The following RAI1 variants were observed in gnomAD, a reference collection of about 807,000 sequenced individuals.
The protein encoded by RAI1 is retinoic acid induced 1, also known as retinoic acid-induced protein 1.
RAI1 carries 9 observed loss-of-function variants against 123.8 expected under a neutral mutation model. The ratio of observed to expected loss-of-function variants is 0.07; its 90% confidence interval spans 0.04 to 0.13. The LOEUF (loss-of-function observed/expected upper bound fraction) is 0.13. Ranked by LOEUF, RAI1 falls within the 10% of genes least tolerant of loss-of-function variation. The pLI is 1.00. For missense variants in RAI1, 2,256 were observed against 2,545.8 expected (o/e 0.89, Z 2.45); for synonymous variants, 1,231 against 1,127.3 (o/e 1.09, Z -1.84).
chr17:17,743,916 C>T (rs1397030334), intron 2 of RAI1, among the ~76,000 whole-genome samples: 1 of 152,166 alleles, frequency 6.6e-6, no homozygotes, highest in African/African-American at 2.4e-5. Flanking sequence ...CGTAGGAGAG[C>T]GGGCAGGCTC....
Position 17,809,888 on chromosome 17 carries a change from C to G in RAI1, c.5710-82C>G, listed in dbSNP as rs2143006961. The G allele has an allele frequency of 6.5e-7, 1 of 1,532,750 alleles. No individual in the cohort carries two copies. The highest frequency in any genetic ancestry group is 8.8e-7 in the Non-Finnish European group (1 of 1,137,374). 94.9% of individuals were successfully genotyped at this position (1,532,750 alleles called of 1,614,324 possible). ...GGGTCGCCTGGGTCTGGGGCTTAGG[C>G]GGGGGGCCCACACTGGGGGCGGGGC... On this transcript the variant is annotated intron_variant, in intron 5 of 5. Transcript: ENST00000353383. This position sits in a 1 kb window ranked among gnomAD's most constrained non-coding sequence, Gnocchi z 4.9.
chr17:17,809,275 C>G lies in RAI1; in HGVS notation c.5660-115C>G, dbSNP rs1164027177. 3 of 875,800 alleles carry G rather than the reference C, an allele frequency of 3.4e-6. No individual in the cohort carries two copies. The highest frequency in any genetic ancestry group is 4.8e-5 in the East Asian group (2 of 41,614). The allele number at this position is 875,800 out of a possible 1,614,324, so 54.3% of individuals were successfully genotyped here. On this transcript the variant is annotated intron_variant, in intron 4 of 5. Transcript: ENST00000353383. The surrounding 1 kb of genome is among the most constrained non-coding windows in gnomAD (Gnocchi z 4.9). Reference sequence around the variant, plus strand: ...ATCTGATTAACTCTTTGAAAAGAGCCCCTGCAGTCTGGAGCCTCGCGGGCA... The same window carrying G: ...ATCTGATTAACTCTTTGAAAAGAGCGCCTGCAGTCTGGAGCCTCGCGGGCA...
Position 17,798,202 on chromosome 17 carries a change from G to C in RAI1, c.5254G>C (p.Gly1752Arg), listed in dbSNP as rs755572135. 1 of 1,612,608 alleles carries C rather than the reference G, an allele frequency of 6.2e-7. No individual in the cohort carries two copies. Among genetic ancestry groups the C allele is most frequent in the Non-Finnish European group, 8.5e-7 (1 of 1,179,802 alleles). The change falls in exon 3 of 6, where the codon GGG (glycine) becomes CGG (arginine). Residue 1752 changes from glycine to arginine, a missense_variant. Physicochemically the swap from Gly to Arg is moderately radical, Grantham distance 125 (BLOSUM62 -2). This residue lies in a region of RAI1 where 243 missense variants were observed against 316.6 expected (regional missense o/e 0.77). Transcript: ENST00000353383. ...GPECAAAATA[G>R]KPPRPDGPAD... ...CGAGTGTGCAGCTGCCGCCACTGCC[G>C]GGAAGCCCCCCAGGCCTGACGGCCC...
At position 17,693,386 on chromosome 17, in the gene RAI1, G is replaced by C. The variant is rs1044371904; in HGVS notation, c.-149+11593G>C. ...CCTGATTGACAAACAAAACAAGCTTGATCACAAAAGGAGAGGGGAGACTGG... is the reference window on the plus strand; with the variant it reads ...CCTGATTGACAAACAAAACAAGCTTCATCACAAAAGGAGAGGGGAGACTGG... On this transcript the variant is annotated intron_variant, in intron 1 of 5. Transcript: ENST00000353383. Among the ~76,000 whole-genome samples the C allele has an allele frequency of 6.0e-4, 91 of 152,364 alleles. 1 individual carries two copies. The highest frequency in any genetic ancestry group is 2.1e-3 in the African/African-American group (89 of 41,586).
intron 1 of RAI1, among the ~76,000 whole-genome samples, chr17:17,698,238 G>A (rs1360600269): frequency 6.6e-6 from 1 of 152,226 alleles, no homozygotes; most frequent in Non-Finnish European, 1.5e-5. Flanking sequence ...CCCTGTGGCT[G>A]CTCTCACACA....
chr17:17,686,012 A>G lies in RAI1; in HGVS notation c.-149+4219A>G, dbSNP rs1914614949. Among the ~76,000 whole-genome samples, 3 of 152,052 alleles carry G rather than the reference A, an allele frequency of 2.0e-5. No homozygotes were observed. The South Asian group carries it at 6.2e-4, about 32-fold the overall frequency. On this transcript the variant is annotated intron_variant, in intron 1 of 5. Transcript: ENST00000353383. ...CAGAATGAGTCATCTCCCTTTGTCTATACTCGTGGCATAGCGTTTATCACG... is the reference window on the plus strand; with the variant it reads ...CAGAATGAGTCATCTCCCTTTGTCTGTACTCGTGGCATAGCGTTTATCACG...
intron 2 of RAI1, among the ~76,000 whole-genome samples, chr17:17,760,302 G>A (rs936267687): frequency 6.6e-6 from 1 of 152,144 alleles, no homozygotes; most frequent in Non-Finnish European, 1.5e-5. Flanking sequence ...TGATTTATGG[G>A]AGGGAGCAGT....
intron 2 of RAI1, among the ~76,000 whole-genome samples, chr17:17,742,178 A>G (rs1916657777): frequency 6.6e-6 from 1 of 152,174 alleles, no homozygotes; most frequent in Admixed American, 6.5e-5. Context: ...CAGGGACGTC[A>G]GGGCCCACAG....
intron 2 of RAI1, among the ~76,000 whole-genome samples, chr17:17,745,429 G>T (rs915439276): frequency 1.3e-5 from 2 of 151,310 alleles, no homozygotes; most frequent in African/African-American, 2.4e-5. Flanking sequence ...GTGTGTGTGT[G>T]TTTGTTTTTG....
chr17:17,697,237 G>A (rs982185339), intron 1 of RAI1, among the ~76,000 whole-genome samples: 1 of 152,234 alleles, frequency 6.6e-6, no homozygotes, highest in Admixed American at 6.5e-5. Flanking sequence ...AGAGACAAGA[G>A]GATGCAGGGC....
intron 2 of RAI1, among the ~76,000 whole-genome samples, chr17:17,760,119 C>T (rs976623558): frequency 5.3e-5 from 8 of 152,214 alleles, no homozygotes; most frequent in African/African-American, 1.7e-4. Context: ...AGACAGAGTA[C>T]TGCCCCCACC....
intron 2 of RAI1, among the ~76,000 whole-genome samples, chr17:17,746,915 A>G (rs2029947711): frequency 6.6e-6 from 1 of 152,178 alleles, no homozygotes; most frequent in Non-Finnish European, 1.5e-5. Flanking sequence ...GATTACAGGC[A>G]TGAGCCACCA....
At chr17:17,763,092 C>G (rs12103424) in intron 2 of RAI1, among the ~76,000 whole-genome samples, 2,075 of 151,902 alleles carry the variant, frequency 0.014, 52 homozygotes, top group African/African-American at 0.048. Flanking sequence ...TTCCAACTTG[C>G]ATTGTCTAAA....
intron 2 of RAI1, among the ~76,000 whole-genome samples, chr17:17,757,408 A>G (rs895598272): frequency 1.3e-5 from 2 of 152,298 alleles, no homozygotes; most frequent in South Asian, 4.1e-4. Flanking sequence ...CAACCCTTCT[A>G]CAGACCAGTT....
chr17:17,803,842 C>G lies in RAI1; in HGVS notation c.5652C>G (p.Ser1884Arg), dbSNP rs567884332. 1 of 1,613,284 alleles carries G rather than the reference C, an allele frequency of 6.2e-7. No homozygotes were observed. Among genetic ancestry groups the G allele is most frequent in the Non-Finnish European group, 8.5e-7 (1 of 1,179,850 alleles). Residue 1884 changes from serine (S) to arginine (R), a missense_variant, in exon 4 of 6, where the codon AGC becomes AGG. Physicochemically the swap from Ser to Arg is moderately radical, Grantham distance 110. This residue lies in a region of RAI1 where 243 missense variants were observed against 316.6 expected (regional missense o/e 0.77). Transcript: ENST00000353383. ...CLHTYHYPCA[S>R]DAGCIFIEEN... The stretch of plus-strand genomic sequence containing the variant: ...ACACCTACCACTACCCGTGTGCCAG[C>G]GATGCAGGTACGAGCCCGCCCAGGA...
At position 17,798,280 on chromosome 17, in the gene RAI1, C is replaced by A; in HGVS notation, c.5332C>A (p.Arg1778=). 6.3e-7 allele frequency: 1 copy of A among 1,598,188 alleles called. No individual in the cohort carries two copies. The highest frequency in any genetic ancestry group is 2.3e-5 in the East Asian group (1 of 44,264). Residue 1778 remains arginine, a synonymous_variant, in exon 3 of 6, where the codon CGG becomes AGG. Coordinates refer to ENST00000353383, the MANE Select transcript of RAI1 (RefSeq NM_030665.4). ...PLRTSARGLS[R]RLQSCYCCDG... ...GCGCACCAGTGCCCGGGGCCTGTCC[C>A]GGAGGCTGCAGAGCTGCTACTGCTG...
At position 17,809,132 on chromosome 17, in the gene RAI1, C is replaced by T. The variant is rs1567941013; in HGVS notation, c.5660-258C>T. 1 of 567,538 alleles carries T rather than the reference C, an allele frequency of 1.8e-6. No individual in the cohort carries two copies. The highest frequency in any genetic ancestry group is 2.9e-5 in the Admixed American group (1 of 34,536). 35.2% of individuals were successfully genotyped at this position (567,538 alleles called of 1,614,324 possible). On this transcript the variant is annotated intron_variant, in intron 4 of 5. Transcript: ENST00000353383. This position sits in a 1 kb window ranked among gnomAD's most constrained non-coding sequence, Gnocchi z 4.9. The stretch of plus-strand genomic sequence containing the variant: ...GACTGCCTCAAGTGAGGAGGGGCGG[C>T]ACGTGGAACTCAGGGGGAAAAGCTC...
intron 4 of RAI1, among the ~76,000 whole-genome samples, chr17:17,808,414 A>ATTTTATTATTTTATT (rs1266596226): frequency 2.1e-4 from 27 of 125,888 alleles, no homozygotes; most frequent in African/African-American, 8.4e-4. Flanking sequence ...ATTTTATTTT[A>ATTTTATTATTTTATT]TTATTTTATT....
At chr17:17,748,714 G>A (rs1025015188) in intron 2 of RAI1, among the ~76,000 whole-genome samples, 8 of 152,206 alleles carry the variant, frequency 5.3e-5, no homozygotes, top group Admixed American at 4.6e-4. Context: ...GTACGCACGC[G>A]TATGTCGGTG....
Sources: gnomAD v4.1 joint callset for allele counts (sites outside exome capture counted in the v4.1 genomes callset) on GRCh38, gnomAD v4.1.1 for gene constraint, gnomAD v4.1.1 regional missense constraint, Gnocchi (gnomAD v3.1) non-coding constraint, MANE v1.5 for transcripts, NCBI Gene and HGNC (gene_info 2026-07-23, HGNC 2026-07-21) for gene names.